Variants in CTSV observed in about 807,000 individuals in gnomAD.
CTSV encodes the protein cathepsin L2.
In CTSV, 33 loss-of-function variants were observed where a neutral mutation model predicts 35.6. The ratio of observed to expected loss-of-function variants is 0.93; its 90% CI spans 0.70 to 1.24. The LOEUF (loss-of-function observed/expected upper bound fraction) is 1.24, where lower values mean the gene tolerates loss of function less well. CTSV is among the 50% of genes most tolerant of loss of function. The pLI is 0.00. For synonymous variants in CTSV, 154 were observed against 147.1 expected (o/e 1.05, Z -0.34); for missense variants, 408 against 413.1 (o/e 0.99, Z 0.11).
intron 5 of CTSV, 65 bp downstream of exon 5, chr9:97,036,458 A>T: frequency 9.0e-7 from 1 of 1,105,962 alleles, no homozygotes; most frequent in Non-Finnish European, 1.4e-6. Context: ...AGTATCTGTT[A>T]TCTCTGAAAG....
intron 7 of CTSV, among the ~76,000 whole-genome samples, chr9:97,033,650 T>A (rs1828793267): frequency 6.9e-6 from 1 of 145,838 alleles, no homozygotes; most frequent in Non-Finnish European, 1.5e-5. Context: ...CCATAAAAAT[T>A]GGCCAGGCGT....
At position 97,037,791 on chromosome 9, in the gene CTSV, T is replaced by C. The variant is rs570240493; in HGVS notation, c.126+127A>G. On this transcript the variant is annotated intron_variant, in intron 2 of 7. Transcript: ENST00000259470. ...GAGATATATGCCCATATTGCACCTA[T>C]AATGGGTGCTGTTAGGTTATTGCCT... 3.4e-5 allele frequency: 48 copies of C among 1,399,174 alleles called. No individual in the cohort carries two copies. The South Asian group carries it at 4.8e-4, about 14-fold the overall frequency. The allele number at this position is 1,399,174 out of a possible 1,614,324, so 86.7% of individuals were successfully genotyped here.
intron 7 of CTSV, among the ~76,000 whole-genome samples, chr9:97,033,534 C>T (rs533844941): frequency 6.6e-6 from 1 of 151,436 alleles, no homozygotes; most frequent in East Asian, 2.0e-4. Flanking sequence ...ATCATTTGAA[C>T]CCAGGAGGCA....
chr9:97,033,809 A>G (rs540027248), intron 7 of CTSV, among the ~76,000 whole-genome samples: 1 of 151,592 alleles, frequency 6.6e-6, no homozygotes, highest in African/African-American at 2.4e-5. Context: ...GAATAAAATA[A>G]AACTGGCTGG....
rs368400844 is a variant in CTSV at position 97,035,574 on chromosome 9, G to A, written c.741C>T (p.Ser247=). 19 of 1,591,768 alleles carry A rather than the reference G, an allele frequency of 1.2e-5. No individual in the cohort carries two copies. The highest frequency in any genetic ancestry group is 2.7e-5 in the African/African-American group (2 of 74,094). The change falls in exon 6 of 8, where the codon TCC becomes TCT. Residue 247 remains serine (S), a synonymous_variant. Transcript: ENST00000259470. ...ACGAATGGCCTGCATCCATAGCAAC[G>A]GAGATGGGCCCCACAGTTGCGACTG... The part of the protein sequence containing the change: ...MKAVATVGPI[S]VAMDAGHSSF...
chr9:97,035,825 G>A, intron 5 of CTSV, 132 bp from the exon 6 acceptor site: 1 of 493,846 alleles, frequency 2.0e-6, no homozygotes, highest in Non-Finnish European at 3.3e-6. Context: ...ATCGTCCCAT[G>A]AAATAAAATG....
Position 97,037,968 on chromosome 9 carries a change from C to T in CTSV, c.76G>A (p.Asp26Asn). The change falls in exon 2 of 8, where the codon GAT becomes AAT. Residue 26 changes from aspartate (D) to asparagine (N), a missense_variant. By Grantham distance (23) the Asp-to-Asn change is conservative. Transcript: ENST00000259470. ...SAVPKFDQNLDTKWYQWKATH... is the reference protein window; with the variant it reads ...SAVPKFDQNLNTKWYQWKATH... ...GCCTTCCACTGGTACCACTTTGTAT[C>T]CAAATTTTGGTCAAATTTTGGAACA... The T allele has an allele frequency of 6.2e-7, 1 of 1,613,996 alleles. No individual in the cohort carries two copies. The highest frequency in any genetic ancestry group is 1.1e-5 in the South Asian group (1 of 91,074).
chr9:97,037,838 G>A (rs552600013), intron 2 of CTSV, 80 bp downstream of exon 2: 1 of 1,563,292 alleles, frequency 6.4e-7, no homozygotes, highest in African/African-American at 1.4e-5. Context: ...GTGTCTAGAA[G>A]CTACTCTCTG....
At position 97,034,707 on chromosome 9, in the gene CTSV, T is replaced by G. The variant is rs1828814981; in HGVS notation, c.905+19A>C. The G allele has an allele frequency of 6.3e-7, 1 of 1,590,070 alleles. No individual in the cohort carries two copies. Among genetic ancestry groups the G allele is most frequent in the Non-Finnish European group, 8.6e-7 (1 of 1,158,648 alleles). The stretch of plus-strand genomic sequence containing the variant: ...CTGATTTGGAACAAAAATTCCCTTT[T>G]CAATTTTGAGTTTTATACCTGTTTT... On this transcript the variant is annotated intron_variant, in intron 7 of 7. Transcript: ENST00000259470.
intron 7 of CTSV, among the ~76,000 whole-genome samples, chr9:97,033,423 C>T (rs1431858397): frequency 1.4e-5 from 2 of 147,910 alleles, no homozygotes; most frequent in South Asian, 2.2e-4. Context: ...CCAGCTTGAC[C>T]AACATGGTGA....
At chr9:97,034,887 CAT>C in intron 6 of CTSV, 44 bp from the exon 7 acceptor site, 1 of 1,487,220 alleles carries the variant, frequency 6.7e-7, no homozygotes, top group Non-Finnish European at 9.4e-7. Context: ...CTCCAAGCGA[CAT>C]GTGACAGTAA....
intron 1 of CTSV, among the ~76,000 whole-genome samples, 177 bp downstream of exon 1, chr9:97,038,894 C>G (rs965203759): frequency 1.3e-5 from 2 of 152,130 alleles, no homozygotes; most frequent in Non-Finnish European, 2.9e-5. Flanking sequence ...CCAGTGGTGC[C>G]GGCGCCTCCC....
chr9:97,032,832 C>A lies in CTSV; in HGVS notation c.*117G>T. 1 of 610,362 alleles carries A rather than the reference C, an allele frequency of 1.6e-6. No individual in the cohort carries two copies. The highest frequency in any genetic ancestry group is 3.0e-5 in the South Asian group (1 of 33,582). 37.8% of individuals were successfully genotyped at this position (610,362 alleles called of 1,614,324 possible). A position where few individuals can be genotyped will look rare whatever the true frequency, so the allele number is the denominator to read the frequency against. On this transcript the variant is annotated 3_prime_UTR_variant, in exon 8 of 8. Coordinates refer to ENST00000259470, the MANE Select transcript of CTSV (RefSeq NM_001333.4). ...AAATGTCACAGAATTAAAATCTCAA[C>A]TTGGATCCTCAATGATTCAACTGGT...
chr9:97,037,709 T>C, intron 2 of CTSV, 94 bp from the exon 3 acceptor site: 1 of 1,536,540 alleles, frequency 6.5e-7, no homozygotes, highest in Non-Finnish European at 8.8e-7. Flanking sequence ...AGAGAAACCA[T>C]GGCCAGGGAT....
chr9:97,035,656 G>C lies in CTSV; in HGVS notation c.659C>G (p.Ala220Gly), dbSNP rs1423505668. The C allele has an allele frequency of 6.3e-7, 1 of 1,590,196 alleles. No homozygotes were observed. The highest frequency in any genetic ancestry group is 1.1e-5 in the South Asian group (1 of 87,496). Residue 220 changes from alanine (A) to glycine (G), a missense_variant, in exon 6 of 8, where the codon GCT becomes GGT. Ala to Gly is a moderately conservative substitution (Grantham distance 60). Coordinates refer to ENST00000259470, the MANE Select transcript of CTSV (RefSeq NM_001333.4). The part of the protein sequence containing the change: ...ICKYRPENSV[A>G]NDTGFTVVAP... ...GACCACTGTGAAGCCAGTGTCATTA[G>C]CAACAGAATTCTCAGGTCTGTACTT... is the stretch of plus-strand genomic sequence containing the variant.
intron 6 of CTSV, 150 bp downstream of exon 6, chr9:97,035,378 G>A (rs183457322): frequency 2.1e-4 from 112 of 537,630 alleles, no homozygotes; most frequent in Non-Finnish European, 2.6e-5. Context: ...ACATAACTAA[G>A]TATTTTCTCA....
intron 4 of CTSV, 97 bp downstream of exon 4, chr9:97,037,155 C>T (rs1828867006): frequency 7.7e-7 from 1 of 1,305,592 alleles, no homozygotes; most frequent in African/African-American, 1.5e-5. Flanking sequence ...ACAAAAAACC[C>T]ATCACCATAT....
chr9:97,035,358 G>A (rs527931259), intron 6 of CTSV, among the ~76,000 whole-genome samples, 170 bp downstream of exon 6: 1 of 152,334 alleles, frequency 6.6e-6, no homozygotes, highest in East Asian at 1.9e-4. Context: ...AAATATTTAT[G>A]AGAAGTTTAA....
At chr9:97,038,334 C>G (rs943692929) in intron 1 of CTSV, 17 of 279,314 alleles carry the variant, frequency 6.1e-5, no homozygotes, top group Admixed American at 4.6e-5. Flanking sequence ...AACTAGAAAA[C>G]TAGGAAAGAG....
Sources: gnomAD v4.1 joint callset for allele counts (sites outside exome capture counted in the v4.1 genomes callset) on GRCh38, gnomAD v4.1.1 for gene constraint, MANE v1.5 for transcripts, NCBI Gene and HGNC (gene_info 2026-07-23, HGNC 2026-07-21) for gene names.